Variants in SPATA6 observed in about 807,000 individuals in gnomAD.
The protein encoded by SPATA6 is spermatogenesis associated 6.
A neutral mutation model predicts 65.3 loss-of-function variants in SPATA6; 56 were observed. The ratio of observed to expected loss-of-function variants is 0.86; its 90% CI spans 0.69 to 1.07. SPATA6 has a LOEUF of 1.07. Ranked by LOEUF, SPATA6 falls within the 50% of genes least tolerant of loss-of-function variation. The pLI, the probability that SPATA6 is intolerant of heterozygous loss-of-function variation, is 0.00. For synonymous variants in SPATA6, 199 were observed against 213.2 expected, an observed-to-expected ratio of 0.93 and a Z score of 0.58; for missense variants, 590 against 594.8, an observed-to-expected ratio of 0.99 and a Z score of 0.08.
At chr1:48,358,176 T>C (rs1324552989) in intron 10 of SPATA6, among the ~76,000 whole-genome samples, 1 of 152,042 alleles carries the variant, frequency 6.6e-6, no homozygotes, top group African/African-American at 2.4e-5. Flanking sequence ...ATAGCCTCAA[T>C]GACAAATTGA....
chr1:48,296,416 A>G lies in SPATA6; in HGVS notation c.*2297T>C, dbSNP rs1173487009. Reference sequence around the variant, plus strand: ...CACTAAATTTAATCCATAGGAAAACATCTTTCAGAGTATTAGTTTCTAAAG... The same window carrying G: ...CACTAAATTTAATCCATAGGAAAACGTCTTTCAGAGTATTAGTTTCTAAAG... On this transcript the variant is annotated 3_prime_UTR_variant, in exon 13 of 13. Transcript: ENST00000371847. 4 of 152,194 alleles carry G rather than the reference A, an allele frequency of 2.6e-5. No homozygotes were observed. Among genetic ancestry groups the G allele is most frequent in the African/African-American group, 9.6e-5 (4 of 41,464 alleles). 9.4% of individuals were successfully genotyped at this position (152,194 alleles called of 1,614,324 possible). A position where few individuals can be genotyped will look rare whatever the true frequency, so the allele number is the denominator to read the frequency against.
the SPATA6 span, among the ~76,000 whole-genome samples, chr1:48,286,178 T>C: frequency 1.3e-5 from 2 of 152,052 alleles, no homozygotes; most frequent in African/African-American, 4.8e-5. Flanking sequence ...TCATATGAAT[T>C]TTAGGAATTT....
intron 11 of SPATA6, chr1:48,325,564 T>A (rs548396935): frequency 9.8e-7 from 1 of 1,021,298 alleles, no homozygotes; most frequent in East Asian, 2.4e-5. Context: ...CTTGGAATGT[T>A]AGATTTCCCT....
chr1:48,404,589 T>C (rs942179883), intron 5 of SPATA6, among the ~76,000 whole-genome samples: 5 of 152,088 alleles, frequency 3.3e-5, no homozygotes, highest in Non-Finnish European at 5.9e-5. Context: ...GCAATCCTCC[T>C]GCCTCAGCCT....
intron 7 of SPATA6, among the ~76,000 whole-genome samples, chr1:48,398,692 G>A (rs1650839665): frequency 6.6e-6 from 1 of 151,522 alleles, no homozygotes; most frequent in African/African-American, 2.4e-5. Flanking sequence ...AGATTCTGAG[G>A]GAGTCCTTTC....
the SPATA6 span, among the ~76,000 whole-genome samples, chr1:48,286,150 T>A: frequency 1.3e-5 from 2 of 152,168 alleles, no homozygotes; most frequent in Non-Finnish European, 2.9e-5. Flanking sequence ...CTTTGGCTAT[T>A]TGGGGACATT....
intron 11 of SPATA6, among the ~76,000 whole-genome samples, chr1:48,323,506 A>G (rs190027189): frequency 6.6e-6 from 1 of 152,228 alleles, no homozygotes; most frequent in East Asian, 1.9e-4. Flanking sequence ...AACATTGCAC[A>G]TGTATACTGA....
chr1:48,392,316 T>A (rs1231351846), intron 8 of SPATA6, among the ~76,000 whole-genome samples: 3 of 152,070 alleles, frequency 2.0e-5, no homozygotes, highest in Non-Finnish European at 2.9e-5. Context: ...CCTAAATTAC[T>A]AAGCAAAATG....
At chr1:48,431,875 C>T (rs1465185285) in intron 3 of SPATA6, among the ~76,000 whole-genome samples, 1 of 152,146 alleles carries the variant, frequency 6.6e-6, no homozygotes, top group African/African-American at 2.4e-5. Flanking sequence ...CTTTGGGAGG[C>T]CAAGGTGGGT....
At chr1:48,295,020 G>A (rs991172037), downstream of SPATA6, among the ~76,000 whole-genome samples, 1 of 152,116 alleles carries the variant, frequency 6.6e-6, no homozygotes, top group Non-Finnish European at 1.5e-5. Context: ...TACTTTTAAA[G>A]ATACATTTTT....
rs1658322097 is a variant in SPATA6 at position 48,472,178 on chromosome 1, G to A, written c.-170C>T. ...CCTGGGTTCCGCCGGAGAAGCAGCT[G>A]AGCGCGGGGCGCAGACTCGTTGTCA... is the stretch of plus-strand genomic sequence containing the variant. On this transcript the variant is annotated 5_prime_UTR_variant, in exon 1 of 13. Coordinates refer to ENST00000371847, the MANE Select transcript of SPATA6 (RefSeq NM_019073.4). 3 of 553,336 alleles carry A rather than the reference G, an allele frequency of 5.4e-6. No individual in the cohort carries two copies. The highest frequency in any genetic ancestry group is 4.7e-4 in the Middle Eastern group (1 of 2,126). The allele number at this position is 553,336 out of a possible 1,614,324, so 34.3% of individuals were successfully genotyped here.
chr1:48,356,292 A>T (rs1208543807), intron 10 of SPATA6, among the ~76,000 whole-genome samples: 1 of 152,034 alleles, frequency 6.6e-6, no homozygotes, highest in Middle Eastern at 3.2e-3. Context: ...GTTGAAATTA[A>T]AGATATGAAA....
intron 9 of SPATA6, among the ~76,000 whole-genome samples, chr1:48,374,352 T>C (rs1163606835): frequency 6.6e-6 from 1 of 150,978 alleles, no homozygotes; most frequent in Non-Finnish European, 1.5e-5. Context: ...GAACAAGCCA[T>C]AAAGTTTCTA....
chr1:48,457,302 C>T (rs1016502068), intron 1 of SPATA6, among the ~76,000 whole-genome samples: 7 of 151,954 alleles, frequency 4.6e-5, no homozygotes, highest in African/African-American at 1.4e-4. Flanking sequence ...CATGGTGGCA[C>T]ATGCCTGTAA....
intron 3 of SPATA6, among the ~76,000 whole-genome samples, chr1:48,430,301 A>T (rs990426462): frequency 1.3e-5 from 2 of 152,174 alleles, no homozygotes; most frequent in African/African-American, 4.8e-5. Context: ...CGCATCAGAA[A>T]CTGGAGGTCA....
Position 48,298,635 on chromosome 1 carries a change from G to T in SPATA6, c.*78C>A. On this transcript the variant is annotated 3_prime_UTR_variant, in exon 13 of 13. Coordinates refer to ENST00000371847, the MANE Select transcript of SPATA6 (RefSeq NM_019073.4). ...ATAATCCCATTTTTTTTAAAAAAAG[G>T]AATACAGATATTGATCACATCAAAC... 2 of 1,363,842 alleles carry T rather than the reference G, an allele frequency of 1.5e-6. No homozygotes were observed. The highest frequency in any genetic ancestry group is 2.0e-6 in the Non-Finnish European group (2 of 1,008,926). The allele number at this position is 1,363,842 out of a possible 1,614,324, so 84.5% of individuals were successfully genotyped here. A position where few individuals can be genotyped will look rare whatever the true frequency, so the allele number is the denominator to read the frequency against.
intron 9 of SPATA6, among the ~76,000 whole-genome samples, chr1:48,362,470 T>C (rs1646844086): frequency 6.6e-6 from 1 of 152,114 alleles, no homozygotes; most frequent in African/African-American, 2.4e-5. Flanking sequence ...TATAAAGCCT[T>C]TTATAGGTGA....
chr1:48,278,042 AC>A, the SPATA6 span, among the ~76,000 whole-genome samples: 227 of 152,304 alleles, frequency 1.5e-3, 2 homozygotes, highest in African/African-American at 5.3e-3. Flanking sequence ...ACTGTTATGC[AC>A]CCATCACTGC....
intron 3 of SPATA6, among the ~76,000 whole-genome samples, chr1:48,428,870 C>CAT (rs1451695879): frequency 7.3e-6 from 1 of 136,672 alleles, no homozygotes; most frequent in Non-Finnish European, 1.6e-5. Flanking sequence ...TATATATACA[C>CAT]GTGTGTGTGT....
Sources: allele counts gnomAD v4.1 joint callset (sites outside exome capture counted in the v4.1 genomes callset), GRCh38; gene constraint gnomAD v4.1.1; transcripts MANE v1.5; gene names NCBI Gene and HGNC (gene_info 2026-07-23, HGNC 2026-07-21).